Variants in GYG2 observed in about 807,000 individuals in gnomAD.
GYG2 encodes the protein glycogenin-2.
Under a neutral mutation model 29.4 loss-of-function variants are expected in GYG2, and 29 were observed. The ratio of observed to expected loss-of-function variants is 0.99; its 90% CI spans 0.74 to 1.35. The LOEUF (loss-of-function observed/expected upper bound fraction) is 1.35. Among genes scored for constraint, GYG2 ranks in the 40% most tolerant of loss-of-function variants. The probability of loss-of-function intolerance (pLI) is 0.00; values close to 1 mark genes in which losing one functional copy is unlikely to be tolerated. For synonymous variants in GYG2, 167 were observed against 172.3 expected, an observed-to-expected ratio of 0.97 and a Z score of 0.24; for missense variants, 370 against 385.7, an observed-to-expected ratio of 0.96 and a Z score of 0.34.
intron 3 of GYG2, among the ~76,000 whole-genome samples, chrX:2,850,639 A>C (rs1330158589): frequency 1.8e-5 from 2 of 111,047 alleles, no homozygotes; most frequent in Non-Finnish European, 3.8e-5. Context: ...AAGAAGTGAA[A>C]ATGGCCTGTT....
intron 10 of GYG2, among the ~76,000 whole-genome samples, chrX:2,880,726 A>G (rs2088702174): frequency 9.0e-6 from 1 of 110,555 alleles, no homozygotes; most frequent in Non-Finnish European, 1.9e-5. Flanking sequence ...TGGGCAACAT[A>G]ATGAGACCCC....
At position 2,854,001 on chromosome X, in the gene GYG2, C is replaced by T. The variant is rs1476374118; in HGVS notation, c.171C>T (p.Phe57=). 9 of 1,201,873 alleles carry T rather than the reference C, an allele frequency of 7.5e-6. No homozygotes were observed. The highest frequency in any genetic ancestry group is 1.0e-5 in the Non-Finnish European group (9 of 886,847). Residue 57 remains phenylalanine (F), a synonymous_variant, in exon 4 of 11, where the codon TTC becomes TTT. Transcript: ENST00000398806. ...SLLRVILSKV[F]DEVIEVNLID... is the part of the protein sequence containing the mutation. ...CCAGGGTCATCCTCTCGAAGGTGTT[C>T]GATGAAGTCATTGAAGTGAATCTAA...
intron 8 of GYG2, among the ~76,000 whole-genome samples, chrX:2,875,234 G>A (rs1031836794): frequency 1.8e-5 from 2 of 111,656 alleles, no homozygotes; most frequent in Non-Finnish European, 3.8e-5. Context: ...CTTCTCAAGT[G>A]AGACTCCTTG....
At chrX:2,835,040 A>T (rs1443242444) in intron 2 of GYG2, among the ~76,000 whole-genome samples, 1 of 111,745 alleles carries the variant, frequency 8.9e-6, no homozygotes, top group Non-Finnish European at 1.9e-5. Flanking sequence ...CAGTCAATAC[A>T]TGTAAGATAC....
At chrX:2,866,464 C>T (rs2088298365) in intron 8 of GYG2, among the ~76,000 whole-genome samples, 1 of 111,767 alleles carries the variant, frequency 8.9e-6, no homozygotes, top group Admixed American at 9.5e-5. Context: ...TGCTGCACTC[C>T]AGCCTGGGCA....
chrX:2,863,268 G>T (rs1603459960), intron 8 of GYG2, among the ~76,000 whole-genome samples: 1 of 109,897 alleles, frequency 9.1e-6, no homozygotes, highest in Admixed American at 9.7e-5. Flanking sequence ...TAGAGACGGG[G>T]TTTCACTGTG....
chrX:2,854,529 G>A (rs760050498), intron 4 of GYG2, among the ~76,000 whole-genome samples: 2 of 111,949 alleles, frequency 1.8e-5, no homozygotes, highest in Non-Finnish European at 3.8e-5. Flanking sequence ...ACATACCCCC[G>A]AGCACTGTGC....
chrX:2,875,708 C>T (rs2088577363), intron 8 of GYG2, 102 bp from the exon 9 acceptor site: 3 of 542,596 alleles, frequency 5.5e-6, no homozygotes, highest in Non-Finnish European at 9.4e-6. Context: ...GTTGTATTTG[C>T]ACCATAGAGG....
intron 3 of GYG2, among the ~76,000 whole-genome samples, chrX:2,843,984 C>T (rs756095429): frequency 1.8e-4 from 20 of 112,019 alleles, no homozygotes; most frequent in African/African-American, 6.5e-4. Flanking sequence ...TTCTCTTTGT[C>T]TTTAATTCTC....
chrX:2,876,890 A>C, intron 9 of GYG2, among the ~76,000 whole-genome samples: 1 of 110,649 alleles, frequency 9.0e-6, no homozygotes, highest in Non-Finnish European at 1.9e-5. Flanking sequence ...TGGAGCTTGC[A>C]GTGAGCCGAG....
chrX:2,844,474 ATATATATGTGTATATGCACGCGTGTGCG>A (rs1457478901), intron 3 of GYG2, among the ~76,000 whole-genome samples: 13 of 110,121 alleles, frequency 1.2e-4, no homozygotes, highest in Admixed American at 4.9e-4. Context: ...ACACGTATGC[ATATATATGTGTATATGCACGCGTGTGCG>A]TATATATGTG....
chrX:2,871,005 A>ATT (rs67105360), intron 8 of GYG2, among the ~76,000 whole-genome samples: 65 of 104,813 alleles, frequency 6.2e-4, no homozygotes, highest in East Asian at 5.4e-3. Flanking sequence ...CCCAAAGAGG[A>ATT]TTTTTTTTTT....
chrX:2,836,194 C>T (rs1010504182), intron 2 of GYG2, among the ~76,000 whole-genome samples: 2 of 111,106 alleles, frequency 1.8e-5, no homozygotes, highest in African/African-American at 6.6e-5. Context: ...AATGAGAAAA[C>T]CATTGGCGTT....
intron 2 of GYG2, among the ~76,000 whole-genome samples, chrX:2,834,755 C>T (rs1162876948): frequency 8.9e-6 from 1 of 112,112 alleles, no homozygotes; most frequent in Non-Finnish European, 1.9e-5. Context: ...ATCCTTCACT[C>T]TTTCTCTAAG....
Position 2,854,173 on chromosome X carries a change from C to T in GYG2, c.324+19C>T. The T allele has an allele frequency of 8.9e-7, 1 of 1,123,126 alleles. No individual in the cohort carries two copies. The highest frequency in any genetic ancestry group is 1.2e-6 in the Non-Finnish European group (1 of 829,779). The allele number at this position is 1,123,126 out of a possible 1,213,427, so 92.6% of individuals were successfully genotyped here. Reference sequence around the variant, plus strand: ...CACTCTGGTGAGTGAAGACTCTCTGCTTGATAGGAAACCCTCCAAGACCAC... The same window carrying T: ...CACTCTGGTGAGTGAAGACTCTCTGTTTGATAGGAAACCCTCCAAGACCAC... On this transcript the variant is annotated intron_variant, in intron 4 of 10. Transcript: ENST00000398806.
intron 8 of GYG2, among the ~76,000 whole-genome samples, chrX:2,871,180 A>C (rs1034137756): frequency 1.8e-5 from 2 of 109,699 alleles, no homozygotes; most frequent in African/African-American, 6.7e-5. Context: ...GGTGTGTACC[A>C]GGGTCCCTCA....
chrX:2,835,456 T>C (rs1194317651), intron 2 of GYG2, among the ~76,000 whole-genome samples: 1 of 112,101 alleles, frequency 8.9e-6, no homozygotes, highest in Non-Finnish European at 1.9e-5. Flanking sequence ...AATTTTAGTT[T>C]AGGTTTACAG....
At chrX:2,866,410 G>A (rs1240122526) in intron 8 of GYG2, among the ~76,000 whole-genome samples, 1 of 111,609 alleles carries the variant, frequency 9.0e-6, no homozygotes, top group Admixed American at 9.5e-5. Flanking sequence ...TGGGAGGATC[G>A]CTTGAACCTG....
intron 3 of GYG2, among the ~76,000 whole-genome samples, chrX:2,845,995 G>GTATA (rs201335553): frequency 4.4e-5 from 3 of 68,872 alleles, no homozygotes; most frequent in African/African-American, 5.7e-5. Context: ...ATACATATAT[G>GTATA]TATATATATA....
Sources: allele counts gnomAD v4.1 joint callset (sites outside exome capture counted in the v4.1 genomes callset), GRCh38; gene constraint gnomAD v4.1.1; transcripts MANE v1.5; gene names NCBI Gene and HGNC (gene_info 2026-07-23, HGNC 2026-07-21).